Variants in ZNF503 observed in about 807,000 individuals in gnomAD.
ZNF503 encodes NocA-like zinc finger 2.
A neutral mutation model predicts 34.4 loss-of-function variants in ZNF503; 15 were observed. The ratio of observed to expected loss-of-function variants is 0.44; its 90% confidence interval spans 0.29 to 0.67. ZNF503 has a LOEUF of 0.67. ZNF503 is among the 30% of genes least tolerant of loss of function. The pLI is 0.13. For missense variants in ZNF503, 1,007 were observed against 926.8 expected, an observed-to-expected ratio of 1.09 and a Z score of -1.12; for synonymous variants, 580 against 456.8, an observed-to-expected ratio of 1.27 and a Z score of -3.44.
chr10:75,400,462 T>A, intron 1 of ZNF503, 88 bp from the exon 2 acceptor site: 1 of 1,462,796 alleles, frequency 6.8e-7, no homozygotes, highest in South Asian at 1.4e-5. Flanking sequence ...TTCAAATGCC[T>A]CTCCGCAACA....
the ZNF503 span, among the ~76,000 whole-genome samples, chr10:75,321,823 CAG>C: frequency 2.6e-5 from 4 of 152,092 alleles, no homozygotes; most frequent in Non-Finnish European, 2.9e-5. Flanking sequence ...AAAAGGGAAA[CAG>C]AGAGTAAAAG....
In ZNF503 at chr10:75,399,260, C is replaced by A; in HGVS notation, c.1430G>T (p.Gly477Val). 6.3e-7 allele frequency: 1 copy of A among 1,597,318 alleles called. No homozygotes were observed. Among genetic ancestry groups the A allele is most frequent in the Non-Finnish European group, 8.5e-7 (1 of 1,172,106 alleles). Residue 477 changes from glycine (G) to valine (V), a missense_variant, in exon 2 of 2, where the codon GGT (glycine) becomes GTT (valine). Gly to Val is a moderately radical substitution (Grantham distance 109). Transcript: ENST00000372524. Reference protein sequence around the residue: ...PLVYPTHPLHGVHSSLTAAAA... With the variant: ...PLVYPTHPLHVVHSSLTAAAA... ...GGCGGCCGTTAGCGAGGAGTGCACA[C>A]CGTGCAGCGGGTGCGTGGGGTACAC...
chr10:75,288,876 T>C, the ZNF503 span, among the ~76,000 whole-genome samples: 7 of 152,196 alleles, frequency 4.6e-5, no homozygotes, highest in Admixed American at 2.6e-4. Context: ...ATCCATGTTT[T>C]TTTCTGTGGT....
At chr10:75,369,631 C>A in the ZNF503 span, among the ~76,000 whole-genome samples, 2 of 152,230 alleles carry the variant, frequency 1.3e-5, no homozygotes, top group South Asian at 4.2e-4. Flanking sequence ...TTTATAGCAG[C>A]GTGAGAACAG....
At chr10:75,356,450 C>T in the ZNF503 span, among the ~76,000 whole-genome samples, 226 of 152,294 alleles carry the variant, frequency 1.5e-3, 1 homozygote, top group Middle Eastern at 3.4e-3. Flanking sequence ...CTCCTGACCT[C>T]GTGATCCGCC....
chr10:75,398,617 C>T lies in ZNF503; in HGVS notation c.*132G>A. 1 of 798,788 alleles carries T rather than the reference C, an allele frequency of 1.3e-6. No homozygotes were observed. Among genetic ancestry groups the T allele is most frequent in the Non-Finnish European group, 1.7e-6 (1 of 584,530 alleles). 49.5% of individuals were successfully genotyped at this position (798,788 alleles called of 1,614,324 possible). A position where few individuals can be genotyped will look rare whatever the true frequency, so the allele number is the denominator to read the frequency against. On this transcript the variant is annotated 3_prime_UTR_variant, in exon 2 of 2. Transcript: ENST00000372524. ...CTGTCGGGTAGATAGATACGGTATA[C>T]ATTTCTTTCCTTTCGTGGCCCGAGT...
chr10:75,382,047 T>A, the ZNF503 span, among the ~76,000 whole-genome samples: 1 of 151,976 alleles, frequency 6.6e-6, no homozygotes, highest in South Asian at 2.1e-4. Context: ...TGACCTCAAG[T>A]GATCCACTTG....
At chr10:75,332,744 T>C in the ZNF503 span, among the ~76,000 whole-genome samples, 2 of 147,564 alleles carry the variant, frequency 1.4e-5, no homozygotes, top group African/African-American at 5.1e-5. Context: ...TTAATCCATT[T>C]AACCCTGAGT....
the ZNF503 span, among the ~76,000 whole-genome samples, chr10:75,312,816 C>G: frequency 6.6e-6 from 1 of 152,168 alleles, no homozygotes; most frequent in Admixed American, 6.5e-5. Context: ...TGGTTTGGCT[C>G]TGTGTCCCAA....
At chr10:75,384,480 G>T in the ZNF503 span, among the ~76,000 whole-genome samples, 3 of 152,138 alleles carry the variant, frequency 2.0e-5, no homozygotes, top group South Asian at 4.2e-4. Context: ...TCACAGGCAG[G>T]CCCCCACAGA....
chr10:75,357,651 A>G, the ZNF503 span, among the ~76,000 whole-genome samples: 3 of 152,232 alleles, frequency 2.0e-5, no homozygotes, highest in South Asian at 6.2e-4. Flanking sequence ...GAATGGCGCA[A>G]ATGAGGAAAG....
the ZNF503 span, among the ~76,000 whole-genome samples, chr10:75,323,653 C>G: frequency 6.6e-6 from 1 of 151,994 alleles, no homozygotes; most frequent in Non-Finnish European, 1.5e-5. Context: ...TGCTTATTAG[C>G]CCTCCATATA....
the ZNF503 span, among the ~76,000 whole-genome samples, chr10:75,377,755 T>A: frequency 6.6e-6 from 1 of 152,230 alleles, no homozygotes; most frequent in Non-Finnish European, 1.5e-5. Context: ...ATGCGAGGTC[T>A]GCATGGCCAC....
At chr10:75,340,598 C>CT in the ZNF503 span, among the ~76,000 whole-genome samples, 33 of 148,582 alleles carry the variant, frequency 2.2e-4, no homozygotes, top group South Asian at 1.1e-3. Flanking sequence ...GCTGCTGTCT[C>CT]TTTTTTTTTT....
chr10:75,345,649 A>G, the ZNF503 span, among the ~76,000 whole-genome samples: 1 of 150,674 alleles, frequency 6.6e-6, no homozygotes, highest in African/African-American at 2.4e-5. Context: ...AAAAAAAAAA[A>G]AAAGAAAAGA....
the ZNF503 span, among the ~76,000 whole-genome samples, chr10:75,314,621 A>T: frequency 6.6e-6 from 1 of 152,234 alleles, no homozygotes; most frequent in Non-Finnish European, 1.5e-5. Flanking sequence ...AGAAAGATAT[A>T]GAAAGATTAG....
chr10:75,387,524 T>G, the ZNF503 span, among the ~76,000 whole-genome samples: 1 of 152,204 alleles, frequency 6.6e-6, no homozygotes, highest in South Asian at 2.1e-4. Flanking sequence ...GCTCACTAAA[T>G]GGTATCGATA....
chr10:75,342,001 C>T, the ZNF503 span, among the ~76,000 whole-genome samples: 4 of 152,108 alleles, frequency 2.6e-5, no homozygotes, highest in African/African-American at 9.7e-5. Context: ...AATACAGGTC[C>T]TGGGTGCCTC....
chr10:75,391,106 G>A, the ZNF503 span, among the ~76,000 whole-genome samples: 430 of 152,280 alleles, frequency 2.8e-3, no homozygotes, highest in African/African-American at 9.6e-3. Flanking sequence ...ACATTGGGGT[G>A]TAGAGCTTCA....
Sources: allele counts gnomAD v4.1 joint callset (sites outside exome capture counted in the v4.1 genomes callset), GRCh38; gene constraint gnomAD v4.1.1; transcripts MANE v1.5; gene names NCBI Gene and HGNC (gene_info 2026-07-23, HGNC 2026-07-21).